CALHM4: variants seen among roughly 807,000 people sequenced by gnomAD.
The protein encoded by CALHM4 is calcium homeostasis modulator protein 4.
A neutral mutation model predicts 13.3 loss-of-function variants in CALHM4; 16 were observed. The ratio of observed to expected loss-of-function variants is 1.20; its 90% CI spans 0.81 to 1.82. The LOEUF (loss-of-function observed/expected upper bound fraction) is 1.82, where lower values mean the gene tolerates loss of function less well. CALHM4 is among the 40% of genes most tolerant of loss of function. The pLI, the probability that CALHM4 is intolerant of heterozygous loss-of-function variation, is 0.00. For missense variants in CALHM4, 344 were observed against 374.9 expected (o/e 0.92, Z 0.68); for synonymous variants, 127 against 137.1 (o/e 0.93, Z 0.52).
rs1323892321 is a variant in CALHM4 at position 116,530,898 on chromosome 6, G to C, written c.-109+1708G>C. ...AGCAGAAGGTTCATAGATAAAGTGA[G>C]ACTCATATATATATATATATATATA... On this transcript the variant is annotated intron_variant, in intron 1 of 2. Transcript: ENST00000368597. 6.3e-5 allele frequency among the ~76,000 whole-genome samples: 7 copies of C among 110,404 alleles called. No homozygotes were observed. The Admixed American group carries it at 7.4e-4, about 12-fold the overall frequency. The allele number at this position is 110,404 out of a possible 152,430, so 72.4% of individuals were successfully genotyped here.
Position 116,560,013 on chromosome 6 carries a change from C to G in CALHM4, c.*1802C>G, listed in dbSNP as rs566319304. ...TACACTCAGTACTGATATGACATTA[C>G]ATGAAGGATGTTAAAAATACAAATA... On this transcript the variant is annotated 3_prime_UTR_variant, in exon 2 of 2. Coordinates refer to ENST00000368596, the MANE Select transcript of CALHM4 (RefSeq NM_001366078.2). Among the ~76,000 whole-genome samples, 1 of 152,136 alleles carries G rather than the reference C, an allele frequency of 6.6e-6. No homozygotes were observed. Among genetic ancestry groups the G allele is most frequent in the African/African-American group, 2.4e-5 (1 of 41,426 alleles).
chr6:116,537,568 C>T (rs1207140201), intron 1 of CALHM4, among the ~76,000 whole-genome samples: 1 of 152,126 alleles, frequency 6.6e-6, no homozygotes, highest in African/African-American at 2.4e-5. Context: ...TCCTCTTCAA[C>T]CTTTTCTTTT....
chr6:116,538,345 A>T (rs1296703214), intron 1 of CALHM4, among the ~76,000 whole-genome samples: 3 of 152,226 alleles, frequency 2.0e-5, no homozygotes, highest in Non-Finnish European at 4.4e-5. Flanking sequence ...CTCTGACCCT[A>T]CATCGTGTGA....
At chr6:116,546,090 A>T (rs1379188675) in intron 2 of CALHM4, among the ~76,000 whole-genome samples, 1 of 152,198 alleles carries the variant, frequency 6.6e-6, no homozygotes, top group Non-Finnish European at 1.5e-5. Context: ...ATCTTGTGTG[A>T]TTACAGTATT....
intron 1 of CALHM4, among the ~76,000 whole-genome samples, chr6:116,539,363 C>T (rs1443857031): frequency 6.6e-5 from 10 of 152,110 alleles, no homozygotes; most frequent in Non-Finnish European, 1.5e-4. Context: ...CAGTTTCAAC[C>T]ACATTATTCA....
chr6:116,550,344 A>T (rs116958168), upstream of CALHM4, among the ~76,000 whole-genome samples: 1 of 152,246 alleles, frequency 6.6e-6, no homozygotes, highest in East Asian at 1.9e-4. Context: ...AGTGGTTAAA[A>T]GCATGTGTTA....
At chr6:116,555,222 A>G (rs961644998) in intron 1 of CALHM4, among the ~76,000 whole-genome samples, 3 of 152,216 alleles carry the variant, frequency 2.0e-5, no homozygotes, top group African/African-American at 7.2e-5. Flanking sequence ...AGTTAGAAAT[A>G]CCATTAGATA....
intron 2 of CALHM4, among the ~76,000 whole-genome samples, chr6:116,548,204 G>A (rs1773896382): frequency 6.6e-6 from 1 of 152,156 alleles, no homozygotes; most frequent in African/African-American, 2.4e-5. Flanking sequence ...TTAGACTTTT[G>A]TTGCTCTTCT....
intron 1 of CALHM4, among the ~76,000 whole-genome samples, chr6:116,535,235 G>C (rs553328122): frequency 6.6e-6 from 1 of 152,312 alleles, no homozygotes; most frequent in East Asian, 1.9e-4. Flanking sequence ...GGTCTCTTCT[G>C]ACAAATATGG....
Position 116,560,264 on chromosome 6 carries a change from T to C in CALHM4, c.*2053T>C, listed in dbSNP as rs72963069. ...TTAGTTTATTAGTTGTCAGGAACTA[T>C]ACCACAGTAAAGACTCTTCAATAAG... On this transcript the variant is annotated 3_prime_UTR_variant, in exon 2 of 2. Coordinates refer to ENST00000368596, the MANE Select transcript of CALHM4 (RefSeq NM_001366078.2). 0.025 allele frequency among the ~76,000 whole-genome samples: 3,835 copies of C among 152,304 alleles called. 76 individuals are homozygous for C. The highest frequency in any genetic ancestry group is 0.099 in the Middle Eastern group (29 of 294).
At position 116,553,942 on chromosome 6, in the gene CALHM4, A is replaced by C. The variant is rs771261478; in HGVS notation, c.149A>C (p.Tyr50Ser). 1.3e-5 allele frequency: 20 copies of C among 1,550,466 alleles called. No homozygotes were observed. Among genetic ancestry groups the C allele is most frequent in the Admixed American group, 2.0e-5 (1 of 50,976 alleles). Residue 50 changes from tyrosine to serine, a missense_variant, in exon 1 of 2, where the codon TAT (tyrosine) becomes TCT (serine). Physicochemically the swap from Tyr to Ser is moderately radical, Grantham distance 144. Transcript: ENST00000368596. ...CCTTGTCAGGTTGGAAAAAATTTCT[A>C]TTATGGTTCTGCTTTTCTTGTCATT... ...SCPCQVGKNF[Y>S]YGSAFLVIPA... is the part of the protein sequence containing the mutation.
At chr6:116,557,680 T>G in intron 1 of CALHM4, 145 bp from the exon 2 acceptor site, 4 of 812,816 alleles carry the variant, frequency 4.9e-6, no homozygotes, top group Non-Finnish European at 5.7e-6. Flanking sequence ...CATTAGCACG[T>G]TGTTGATATA....
At chr6:116,557,105 T>G (rs1237504222) in intron 1 of CALHM4, among the ~76,000 whole-genome samples, 1 of 151,960 alleles carries the variant, frequency 6.6e-6, no homozygotes, top group Non-Finnish European at 1.5e-5. Context: ...GCCCGACTAA[T>G]TTTTGTATTT....
At position 116,540,498 on chromosome 6, in the gene CALHM4, T is replaced by C. The variant is rs1562353728; in HGVS notation, c.-108-3267T>C. The C allele has an allele frequency of 2.0e-6, 3 of 1,538,330 alleles. No individual in the cohort carries two copies. In the African/African-American group the frequency reaches 4.1e-5, roughly 21 times the overall value. On this transcript the variant is annotated intron_variant, in intron 1 of 2. Transcript: ENST00000368597. ...CGGAAAGAGTGTGGTCTGAAAATTC[T>C]AAGAAATTAGTGAAGTCTGTCAGTT...
In CALHM4 at chr6:116,558,741, C is replaced by G. The variant is rs1229262459; in HGVS notation, c.*530C>G. ...GTCCAGAACTTTTCACAGCCTCCCC[C>G]TCTTTCTTCAGACCTAAATATCTGA... On this transcript the variant is annotated 3_prime_UTR_variant, in exon 2 of 2. Transcript: ENST00000368596. The G allele has an allele frequency of 1.3e-5, 2 of 152,408 alleles. No homozygotes were observed. The highest frequency in any genetic ancestry group is 1.9e-4 in the East Asian group (1 of 5,204). 9.4% of individuals were successfully genotyped at this position (152,408 alleles called of 1,614,324 possible).
At chr6:116,556,915 C>G (rs563644997) in intron 1 of CALHM4, among the ~76,000 whole-genome samples, 1 of 148,778 alleles carries the variant, frequency 6.7e-6, no homozygotes, top group South Asian at 2.2e-4. Flanking sequence ...GGCACAGTGA[C>G]TATGCTATTC....
intron 1 of CALHM4, among the ~76,000 whole-genome samples, chr6:116,538,382 A>G (rs1025266905): frequency 6.6e-6 from 1 of 152,242 alleles, no homozygotes; most frequent in Non-Finnish European, 1.5e-5. Context: ...CTTCTCAGCA[A>G]TGAGGTTGTA....
At chr6:116,553,278 CT>C (rs1774160951), upstream of CALHM4, among the ~76,000 whole-genome samples, 1 of 152,178 alleles carries the variant, frequency 6.6e-6, no homozygotes, top group South Asian at 2.1e-4. Flanking sequence ...TTGGGGAAAT[CT>C]TTTGAGCTCT....
Position 116,554,205 on chromosome 6 carries a change from T to A in CALHM4, c.412T>A (p.Ser138Thr). The A allele has an allele frequency of 6.4e-7, 1 of 1,550,618 alleles. No homozygotes were observed. Among genetic ancestry groups the A allele is most frequent in the African/African-American group, 1.4e-5 (1 of 73,156 alleles). The change falls in exon 1 of 2, where the codon TCT (serine) becomes ACT (threonine). Residue 138 changes from serine (S) to threonine (T), a missense_variant. Coordinates refer to ENST00000368596, the MANE Select transcript of CALHM4 (RefSeq NM_001366078.2). ...YYECAASEFASVDHYPMFDNV... is the reference protein window; with the variant it reads ...YYECAASEFATVDHYPMFDNV... The stretch of plus-strand genomic sequence containing the variant: ...TGAATGTGCAGCAAGTGAATTTGCA[T>A]CTGTGGACCATTACCCAATGTTTGA...
Sources: gnomAD v4.1 joint callset for allele counts (sites outside exome capture counted in the v4.1 genomes callset) on GRCh38, gnomAD v4.1.1 for gene constraint, MANE v1.5 for transcripts, NCBI Gene and HGNC (gene_info 2026-07-23, HGNC 2026-07-21) for gene names.